OR51L1: variants seen among roughly 807,000 people sequenced by gnomAD.
OR51L1 encodes olfactory receptor family 51 subfamily L member 1, also known as olfactory receptor 51L1.
Under a neutral mutation model 1.4 loss-of-function variants are expected in OR51L1, and 1 was observed. The observed-to-expected ratio is 0.72, with a 90% CI of 0.26 to 3.42. OR51L1 has a LOEUF of 3.42. Ranked by LOEUF, OR51L1 falls within the 30% of genes most tolerant of loss-of-function variation. OR51L1 has a pLI of 0.20. For synonymous variants in OR51L1, 156 were observed against 144.2 expected (o/e 1.08, Z -0.59); for missense variants, 378 against 380.0 (o/e 0.99, Z 0.04).
chr11:5,000,091 G>A lies in OR51L1; in HGVS notation c.*161G>A. On this transcript the variant is annotated 3_prime_UTR_variant, in exon 3 of 3. Coordinates refer to ENST00000641819, the MANE Select transcript of OR51L1 (RefSeq NM_001004755.2). ...AATCTTTAACCAATATGAAACTCAG[G>A]ATTTTTTTGGACAAATTGTGACAAC... is the stretch of plus-strand genomic sequence containing the variant. The A allele has an allele frequency of 1.3e-6, 1 of 743,400 alleles. No individual in the cohort carries two copies. The highest frequency in any genetic ancestry group is 2.0e-6 in the Non-Finnish European group (1 of 490,458). The allele number at this position is 743,400 out of a possible 1,614,324, so 46.1% of individuals were successfully genotyped here.
rs1264290537 is a variant in OR51L1, at chr11:5,001,956, G to T, written c.*2026G>T. ...TTAGTAAAATTAAGTGTAATCAATG[G>T]TATTATTGGAACAGGTACCTTTTAT... On this transcript the variant is annotated 3_prime_UTR_variant, in exon 3 of 3. Coordinates refer to ENST00000641819, the MANE Select transcript of OR51L1 (RefSeq NM_001004755.2). The T allele has an allele frequency of 1.3e-5, 2 of 152,136 alleles. No homozygotes were observed. Among genetic ancestry groups the T allele is most frequent in the Non-Finnish European group, 2.9e-5 (2 of 68,022 alleles). 9.4% of individuals were successfully genotyped at this position (152,136 alleles called of 1,614,324 possible).
At position 4,999,403 on chromosome 11, in the gene OR51L1, A is replaced by C; in HGVS notation, c.421A>C (p.Ser141Arg). Residue 141 changes from serine (S) to arginine (R), a missense_variant, in exon 3 of 3, where the codon AGT becomes CGT. Coordinates refer to ENST00000641819, the MANE Select transcript of OR51L1 (RefSeq NM_001004755.2). ...GCACTACCCCACCATCCTCACCAAC[A>C]GTGTAATTGGCAAAATTGGTTTGGC... ...PLHYPTILTNSVIGKIGLACL... is the reference protein window; with the variant it reads ...PLHYPTILTNRVIGKIGLACL... 6.2e-7 allele frequency: 1 copy of C among 1,614,110 alleles called. No individual in the cohort carries two copies. Among genetic ancestry groups the C allele is most frequent in the Non-Finnish European group, 8.5e-7 (1 of 1,180,020 alleles).
rs573459264 is a variant in OR51L1, at chr11:4,999,816, G to C, written c.834G>C (p.Met278Ile). Residue 278 changes from methionine to isoleucine, a missense_variant, in exon 3 of 3, where the codon ATG (methionine) becomes ATC (isoleucine). Physicochemically the swap from Met to Ile is conservative, Grantham distance 10. Coordinates refer to ENST00000641819, the MANE Select transcript of OR51L1 (RefSeq NM_001004755.2). Reference sequence around the variant, plus strand: ...TGTCTCCCATAGTCCACATCCTCATGGCAGACATCTACCTTCTTCTTCCCC... The same window carrying C: ...TGTCTCCCATAGTCCACATCCTCATCGCAGACATCTACCTTCTTCTTCCCC... ...KHLSPIVHIL[M>I]ADIYLLLPPV... The C allele has an allele frequency of 6.2e-7, 1 of 1,613,990 alleles. No individual in the cohort carries two copies. Among genetic ancestry groups the C allele is most frequent in the East Asian group, 2.2e-5 (1 of 44,856 alleles).
At chr11:4,996,335 A>G (rs1171813120) in intron 1 of OR51L1, among the ~76,000 whole-genome samples, 1 of 152,088 alleles carries the variant, frequency 6.6e-6, no homozygotes. Context: ...TATAAACATC[A>G]TTCTGTATAC....
rs1847145039 is a variant in OR51L1, at chr11:5,002,970, A to G, written c.*3040A>G. Reference sequence around the variant, plus strand: ...TGACATCAAATATATTACTGGTGGAAGGTATTCAAGTTACCAGTGGCAAAT... The same window carrying G: ...TGACATCAAATATATTACTGGTGGAGGGTATTCAAGTTACCAGTGGCAAAT... On this transcript the variant is annotated 3_prime_UTR_variant, in exon 3 of 3. Transcript: ENST00000641819. The G allele has an allele frequency of 1.3e-5, 2 of 152,288 alleles. No homozygotes were observed. The highest frequency in any genetic ancestry group is 6.5e-5 in the Admixed American group (1 of 15,284). The allele number at this position is 152,288 out of a possible 1,614,324, so 9.4% of individuals were successfully genotyped here.
At position 4,999,540 on chromosome 11, in the gene OR51L1, T is replaced by C; in HGVS notation, c.558T>C (p.Val186=). ...ACGCCTTCTGTTTGCACCAGGATGT[T>C]CTAAGATTATCCTGTACAGATGCCA... is the stretch of plus-strand genomic sequence containing the variant. ...LSHAFCLHQD[V]LRLSCTDART... The change falls in exon 3 of 3, where the codon GTT becomes GTC. Residue 186 remains valine, a synonymous_variant. Coordinates refer to ENST00000641819, the MANE Select transcript of OR51L1 (RefSeq NM_001004755.2). 6.2e-7 allele frequency: 1 copy of C among 1,614,032 alleles called. No homozygotes were observed.
At position 5,000,165 on chromosome 11, in the gene OR51L1, T is replaced by C. The variant is rs1330158600; in HGVS notation, c.*235T>C. 2 of 396,168 alleles carry C rather than the reference T, an allele frequency of 5.0e-6. No homozygotes were observed. Among genetic ancestry groups the C allele is most frequent in the Non-Finnish European group, 9.0e-6 (2 of 222,766 alleles). The allele number at this position is 396,168 out of a possible 1,614,324, so 24.5% of individuals were successfully genotyped here. On this transcript the variant is annotated 3_prime_UTR_variant, in exon 3 of 3. Transcript: ENST00000641819. ...TCATTACAAGACTTATAATAGAAAA[T>C]GTATGTGCTAAGTCAAGTTTTTTGA...
intron 2 of OR51L1, 74 bp from the exon 3 acceptor site, chr11:4,998,750 G>A (rs1847095155): frequency 2.2e-6 from 1 of 449,922 alleles, no homozygotes. Context: ...TGCCAGAGAT[G>A]ACCATATTTG....
At chr11:4,997,676 G>T (rs1420369068) in intron 2 of OR51L1, 93 bp downstream of exon 2, 1 of 152,196 alleles carries the variant, frequency 6.6e-6, no homozygotes, top group Non-Finnish European at 1.5e-5. Context: ...ATCTCATAAT[G>T]CTCAGCTGCT....
rs532221787 is a variant in OR51L1, at chr11:5,005,145, G to C, written c.*5215G>C. On this transcript the variant is annotated 3_prime_UTR_variant, in exon 3 of 3. Coordinates refer to ENST00000641819, the MANE Select transcript of OR51L1 (RefSeq NM_001004755.2). Reference sequence around the variant, plus strand: ...GCTTGCCTCCCATAAACAAGGACACGCTAGTTGTAAATTTAGGTCCACAAT... The same window carrying C: ...GCTTGCCTCCCATAAACAAGGACACCCTAGTTGTAAATTTAGGTCCACAAT... 1.3e-5 allele frequency: 2 copies of C among 152,090 alleles called. No individual in the cohort carries two copies. The highest frequency in any genetic ancestry group is 4.1e-4 in the South Asian group (2 of 4,822). The allele number at this position is 152,090 out of a possible 1,614,324, so 9.4% of individuals were successfully genotyped here.
chr11:5,002,203 G>A lies in OR51L1; in HGVS notation c.*2273G>A, dbSNP rs752707038. 2.6e-5 allele frequency: 4 copies of A among 152,158 alleles called. No individual in the cohort carries two copies. The highest frequency in any genetic ancestry group is 5.9e-5 in the Non-Finnish European group (4 of 68,036). The allele number at this position is 152,158 out of a possible 1,614,324, so 9.4% of individuals were successfully genotyped here. ...AATGTCATATAGGTTAATGAAATTG[G>A]TTATGATGGAAGTATTTAAACCACA... On this transcript the variant is annotated 3_prime_UTR_variant, in exon 3 of 3. Coordinates refer to ENST00000641819, the MANE Select transcript of OR51L1 (RefSeq NM_001004755.2).
chr11:5,002,810 C>A lies in OR51L1; in HGVS notation c.*2880C>A, dbSNP rs1230770994. 1.3e-5 allele frequency: 2 copies of A among 152,058 alleles called. No homozygotes were observed. 9.4% of individuals were successfully genotyped at this position (152,058 alleles called of 1,614,324 possible). A position where few individuals can be genotyped will look rare whatever the true frequency, so the allele number is the denominator to read the frequency against. On this transcript the variant is annotated 3_prime_UTR_variant, in exon 3 of 3. Transcript: ENST00000641819. ...TTCCTTTTCATTTAAGATGATTATC[C>A]CAGGGATTCTCTTATTAAACAAACT...
Position 5,005,216 on chromosome 11 carries a change from G to C in OR51L1, c.*5286G>C, listed in dbSNP as rs1031719389. 4 of 152,186 alleles carry C rather than the reference G, an allele frequency of 2.6e-5. No homozygotes were observed. The highest frequency in any genetic ancestry group is 9.7e-5 in the African/African-American group (4 of 41,444). 9.4% of individuals were successfully genotyped at this position (152,186 alleles called of 1,614,324 possible). On this transcript the variant is annotated 3_prime_UTR_variant, in exon 3 of 3. Transcript: ENST00000641819. ...TCCACACCGATTATGTCACTTACAA[G>C]TTTATCTTCCCAGGTGCAGAAAAGT...
In OR51L1 at chr11:5,001,231, G is replaced by T. The variant is rs564964032; in HGVS notation, c.*1301G>T. The stretch of plus-strand genomic sequence containing the variant: ...ACCAGCTGGCCTATGGAACTTCTAA[G>T]AAAACGTAGAGTAATATAAGGAAGT... On this transcript the variant is annotated 3_prime_UTR_variant, in exon 3 of 3. Transcript: ENST00000641819. The T allele has an allele frequency of 1.3e-5, 2 of 152,196 alleles. No homozygotes were observed. Among genetic ancestry groups the T allele is most frequent in the East Asian group, 3.9e-4 (2 of 5,168 alleles). The allele number at this position is 152,196 out of a possible 1,614,324, so 9.4% of individuals were successfully genotyped here. A position where few individuals can be genotyped will look rare whatever the true frequency, so the allele number is the denominator to read the frequency against.
intron 1 of OR51L1, among the ~76,000 whole-genome samples, chr11:4,996,721 TTTTCTTTCTTTC>T (rs61073391): frequency 0.01 from 1,068 of 106,344 alleles, 6 homozygotes; most frequent in African/African-American, 0.015. Flanking sequence ...CTTTCTTTTC[TTTTCTTTCTTTC>T]TTTCTTTCTT....
chr11:4,999,454 G>A lies in OR51L1; in HGVS notation c.472G>A (p.Val158Ile). 2 of 1,614,118 alleles carry A rather than the reference G, an allele frequency of 1.2e-6. No individual in the cohort carries two copies. Among genetic ancestry groups the A allele is most frequent in the South Asian group, 1.1e-5 (1 of 91,082 alleles). ...CTGTTTGCTACGAAGCTTGGGAGTT[G>A]TACTTCCCACACCTTTGCTACTGAG... ...LACLLRSLGV[V>I]LPTPLLLRHY... The change falls in exon 3 of 3, where the codon GTA (valine) becomes ATA (isoleucine). Residue 158 changes from valine to isoleucine, a missense_variant. Val to Ile is a conservative substitution (Grantham distance 29). Coordinates refer to ENST00000641819, the MANE Select transcript of OR51L1 (RefSeq NM_001004755.2).
chr11:4,999,232 C>T lies in OR51L1; in HGVS notation c.250C>T (p.Leu84Phe). Reference protein sequence around the residue: ...GMSLSTLPTMLAVLWLDAPEI... With the variant: ...GMSLSTLPTMFAVLWLDAPEI... ...GTCCCTGTCTACACTTCCCACCATG[C>T]TTGCTGTGTTATGGTTGGATGCTCC... The change falls in exon 3 of 3, where the codon CTT becomes TTT. Residue 84 changes from leucine (L) to phenylalanine (F), a missense_variant. Leu to Phe is a conservative substitution (Grantham distance 22). Coordinates refer to ENST00000641819, the MANE Select transcript of OR51L1 (RefSeq NM_001004755.2). The T allele has an allele frequency of 6.2e-7, 1 of 1,614,156 alleles. No individual in the cohort carries two copies.
chr11:4,998,016 G>A (rs1847087528), intron 2 of OR51L1, among the ~76,000 whole-genome samples: 1 of 152,016 alleles, frequency 6.6e-6, no homozygotes, highest in African/African-American at 2.4e-5. Context: ...AAAATCAATA[G>A]AAATAAAGTG....
In OR51L1 at chr11:4,998,837, T is replaced by C; in HGVS notation, c.-146T>C. The C allele has an allele frequency of 7.0e-6, 6 of 852,800 alleles. No homozygotes were observed. In the South Asian group the frequency reaches 1.1e-4, roughly 16 times the overall value. 52.8% of individuals were successfully genotyped at this position (852,800 alleles called of 1,614,324 possible). A position where few individuals can be genotyped will look rare whatever the true frequency, so the allele number is the denominator to read the frequency against. On this transcript the variant is annotated 5_prime_UTR_variant, in exon 3 of 3. Coordinates refer to ENST00000641819, the MANE Select transcript of OR51L1 (RefSeq NM_001004755.2). Reference sequence around the variant, plus strand: ...TTTTTTACATAGGGCCGACAAGAGATACCAGCTTCCTTCCTCTGTGAGGTT... The same window carrying C: ...TTTTTTACATAGGGCCGACAAGAGACACCAGCTTCCTTCCTCTGTGAGGTT...
Sources: allele counts gnomAD v4.1 joint callset (sites outside exome capture counted in the v4.1 genomes callset), GRCh38; gene constraint gnomAD v4.1.1; transcripts MANE v1.5; gene names NCBI Gene and HGNC (gene_info 2026-07-23, HGNC 2026-07-21).